MAML2: variants seen among roughly 807,000 people sequenced by gnomAD.
The protein encoded by MAML2 is mastermind like transcriptional coactivator 2, also known as mastermind-like protein 2.
A neutral mutation model predicts 96.1 loss-of-function variants in MAML2; 22 were observed. That is an observed-to-expected ratio of 0.23 (90% CI 0.16 to 0.33). The LOEUF (loss-of-function observed/expected upper bound fraction) is 0.33, where lower values mean the gene tolerates loss of function less well. Among genes scored for constraint, MAML2 ranks in the 10% least tolerant of loss-of-function variants. MAML2 has a pLI of 1.00. For missense variants in MAML2, 1,367 were observed against 1,392.4 expected (o/e 0.98, Z 0.29); for synonymous variants, 561 against 521.3 (o/e 1.08, Z -1.04).
At chr11:96,266,470 CT>C (rs1425347525) in intron 1 of MAML2, among the ~76,000 whole-genome samples, 143 of 152,004 alleles carry the variant, frequency 9.4e-4, no homozygotes, top group African/African-American at 2.9e-3. Flanking sequence ...ACTCGGGAGG[CT>C]GAGGCAGGAG....
chr11:96,302,161 T>C (rs999787560), intron 1 of MAML2, among the ~76,000 whole-genome samples: 1 of 152,240 alleles, frequency 6.6e-6, no homozygotes, highest in Non-Finnish European at 1.5e-5. Flanking sequence ...AAGACACATA[T>C]TTGTTTTCAT....
intron 2 of MAML2, among the ~76,000 whole-genome samples, chr11:96,043,678 G>C (rs543944809): frequency 6.6e-6 from 1 of 152,248 alleles, no homozygotes; most frequent in Non-Finnish European, 1.5e-5. Flanking sequence ...AGAATGTCTG[G>C]TTGAATAATT....
intron 2 of MAML2, among the ~76,000 whole-genome samples, chr11:96,003,174 T>G (rs776092361): frequency 1.4e-5 from 2 of 139,602 alleles, no homozygotes; most frequent in South Asian, 2.4e-4. Flanking sequence ...GGGATGATGA[T>G]AAGGATGATG....
intron 1 of MAML2, among the ~76,000 whole-genome samples, chr11:96,288,598 T>G (rs375641775): frequency 6.0e-4 from 91 of 150,632 alleles, no homozygotes; most frequent in African/African-American, 2.1e-3. Flanking sequence ...CCAAATGACC[T>G]GTAGGATGAA....
Position 96,092,998 on chromosome 11 carries a change from C to G in MAML2, c.1033G>C (p.Gly345Arg), listed in dbSNP as rs773027008. The change falls in exon 2 of 5, where the codon GGT (glycine) becomes CGT (arginine). Residue 345 changes from glycine to arginine, a missense_variant. Physicochemically the swap from Gly to Arg is moderately radical, Grantham distance 125 (BLOSUM62 -2). Coordinates refer to ENST00000524717, the MANE Select transcript of MAML2 (RefSeq NM_032427.4). This position sits in a 1 kb window ranked among gnomAD's most constrained non-coding sequence, Gnocchi z 4.1. ...KQDDPFNIDL[G>R]QQSQRSTPRP... ...GGTGTGCTCCTCTGGCTTTGCTGAC[C>G]CAAGTCAATGTTAAATGGGTCATCC... 2 of 1,613,894 alleles carry G rather than the reference C, an allele frequency of 1.2e-6. No homozygotes were observed. The highest frequency in any genetic ancestry group is 8.5e-7 in the Non-Finnish European group (1 of 1,179,872).
intron 1 of MAML2, among the ~76,000 whole-genome samples, chr11:96,329,354 C>T (rs1475274306): frequency 6.6e-6 from 1 of 152,160 alleles, no homozygotes; most frequent in African/African-American, 2.4e-5. Flanking sequence ...GCTTGGACCT[C>T]CCCCTTCCGC....
At chr11:96,198,079 A>T (rs367822568) in intron 1 of MAML2, among the ~76,000 whole-genome samples, 10 of 152,216 alleles carry the variant, frequency 6.6e-5, no homozygotes, top group African/African-American at 2.4e-4. Context: ...TAAACTGGGA[A>T]GTGATATGTT....
intron 1 of MAML2, among the ~76,000 whole-genome samples, chr11:96,335,286 A>G (rs1211600473): frequency 6.6e-6 from 1 of 152,260 alleles, no homozygotes; most frequent in Non-Finnish European, 1.5e-5. Flanking sequence ...GATTTTTTTA[A>G]TAATGAGAAT....
intron 1 of MAML2, among the ~76,000 whole-genome samples, chr11:96,155,509 A>AATATATATATAT (rs56860340): frequency 0.018 from 1,355 of 74,356 alleles, 96 homozygotes; most frequent in African/African-American, 0.024. Context: ...TAACAATTCA[A>AATATATATATAT]ATATATATAT....
At chr11:96,011,252 A>G (rs763996226) in intron 2 of MAML2, among the ~76,000 whole-genome samples, 33 of 152,200 alleles carry the variant, frequency 2.2e-4, no homozygotes, top group Non-Finnish European at 3.8e-4. Flanking sequence ...TCATTCTACC[A>G]AAAAGCCACC....
At chr11:95,981,921 C>A (rs184292850) in intron 4 of MAML2, among the ~76,000 whole-genome samples, 12 of 152,184 alleles carry the variant, frequency 7.9e-5, no homozygotes, top group African/African-American at 2.9e-4. Context: ...GGAAAACAAT[C>A]TTTTTAAACA....
At chr11:96,118,584 C>T (rs1197734284) in intron 1 of MAML2, among the ~76,000 whole-genome samples, 1 of 152,134 alleles carries the variant, frequency 6.6e-6, no homozygotes, top group Admixed American at 6.5e-5. Context: ...GACTAACACA[C>T]TCATCATATA....
intron 1 of MAML2, among the ~76,000 whole-genome samples, chr11:96,178,859 T>G (rs1387364489): frequency 6.6e-6 from 1 of 152,164 alleles, no homozygotes; most frequent in African/African-American, 2.4e-5. Flanking sequence ...CAACACAATC[T>G]CTTATAAAAT....
intron 1 of MAML2, among the ~76,000 whole-genome samples, chr11:96,165,383 C>T (rs1240705741): frequency 6.6e-6 from 1 of 152,126 alleles, no homozygotes; most frequent in Non-Finnish European, 1.5e-5. Flanking sequence ...TGGTGTTGGT[C>T]TGGCAAACAC....
chr11:96,023,792 G>A (rs1858473120), intron 2 of MAML2, among the ~76,000 whole-genome samples: 1 of 152,200 alleles, frequency 6.6e-6, no homozygotes, highest in South Asian at 2.1e-4. Flanking sequence ...GAAATTCTGA[G>A]CAAGGCAGAA....
At chr11:96,240,367 G>A (rs551826298) in intron 1 of MAML2, among the ~76,000 whole-genome samples, 37 of 151,636 alleles carry the variant, frequency 2.4e-4, no homozygotes, top group Non-Finnish European at 4.1e-4. Flanking sequence ...TGGCTAACAA[G>A]GTGAAACCCC....
chr11:96,025,020 C>T (rs1022305142), intron 2 of MAML2, among the ~76,000 whole-genome samples: 1 of 152,160 alleles, frequency 6.6e-6, no homozygotes, highest in Non-Finnish European at 1.5e-5. Context: ...AAACAAACTA[C>T]CGTTCAACCC....
intron 2 of MAML2, among the ~76,000 whole-genome samples, chr11:96,088,865 T>C (rs986671738): frequency 2.5e-4 from 38 of 152,192 alleles, no homozygotes; most frequent in African/African-American, 9.2e-4. Flanking sequence ...TGGATCTGTC[T>C]GGGTTCAGAG....
intron 1 of MAML2, among the ~76,000 whole-genome samples, chr11:96,224,147 C>T (rs1045508947): frequency 6.6e-6 from 1 of 152,186 alleles, no homozygotes; most frequent in Non-Finnish European, 1.5e-5. Context: ...AAAACACCCA[C>T]ACCCAGAAGG....
Sources: gnomAD v4.1 joint callset for allele counts (sites outside exome capture counted in the v4.1 genomes callset) on GRCh38, gnomAD v4.1.1 for gene constraint, Gnocchi (gnomAD v3.1) non-coding constraint, MANE v1.5 for transcripts, NCBI Gene and HGNC (gene_info 2026-07-23, HGNC 2026-07-21) for gene names.